Variants in SEMA4F observed in about 807,000 individuals in gnomAD.
SEMA4F encodes ssemaphorin 4F.
A neutral mutation model predicts 78.4 loss-of-function variants in SEMA4F; 51 were observed. The observed-to-expected ratio is 0.65, with a 90% CI of 0.52 to 0.82. The LOEUF (loss-of-function observed/expected upper bound fraction) is 0.82, where lower values mean the gene tolerates loss of function less well. SEMA4F is among the 40% of genes least tolerant of loss of function. The pLI is 0.00. For synonymous variants in SEMA4F, 418 were observed against 408.7 expected, an observed-to-expected ratio of 1.02 and a Z score of -0.27; for missense variants, 938 against 1,014.4, an observed-to-expected ratio of 0.92 and a Z score of 1.02.
intron 5 of SEMA4F, among the ~76,000 whole-genome samples, chr2:74,664,423 C>T (rs899651261): frequency 1.3e-5 from 2 of 151,108 alleles, no homozygotes; most frequent in South Asian, 2.1e-4. Flanking sequence ...ATCCATATGA[C>T]TGTAATGAAC....
At position 74,659,768 on chromosome 2, in the gene SEMA4F, C is replaced by G. The variant is rs559496975; in HGVS notation, c.456+1817C>G. Among the ~76,000 whole-genome samples the G allele has an allele frequency of 2.0e-5, 3 of 152,336 alleles. No homozygotes were observed. In the East Asian group the frequency reaches 5.8e-4, roughly 29 times the overall value. On this transcript the variant is annotated intron_variant, in intron 4 of 13. Transcript: ENST00000357877. ...TGACCAAGTTCTTCCTTTATCCTCA[C>G]TGCTGAACCTCTCATGTCCTAGACT...
In SEMA4F at chr2:74,675,011, T is replaced by C. The variant is rs1558732528; in HGVS notation, c.1125T>C (p.Asp375=). Residue 375 remains aspartate, a synonymous_variant, in exon 9 of 14, where the codon GAT becomes GAC. Coordinates refer to ENST00000357877, the MANE Select transcript of SEMA4F (RefSeq NM_004263.5). ...GAGGACTGCCTGTCGTGGACAATGA[T>C]GTGCCCCAGCCCAGACCTGGAGAGG... is the stretch of plus-strand genomic sequence containing the variant. ...CNRGLPVVDN[D]VPQPRPGECI... 6.2e-7 allele frequency: 1 copy of C among 1,613,932 alleles called. No individual in the cohort carries two copies. Among genetic ancestry groups the C allele is most frequent in the Non-Finnish European group, 8.5e-7 (1 of 1,179,974 alleles).
intron 5 of SEMA4F, among the ~76,000 whole-genome samples, chr2:74,666,132 T>C (rs1684687669): frequency 6.6e-6 from 1 of 152,136 alleles, no homozygotes; most frequent in Non-Finnish European, 1.5e-5. Context: ...GGTCTCAAAC[T>C]CCTGACCTCA....
At chr2:74,657,995 G>T (rs770195712) in intron 4 of SEMA4F, 44 bp downstream of exon 4, 3 of 1,552,636 alleles carry the variant, frequency 1.9e-6, no homozygotes, top group Non-Finnish European at 2.7e-6. Context: ...GCCTGCACCA[G>T]TGTGAGTTAC....
intron 5 of SEMA4F, among the ~76,000 whole-genome samples, chr2:74,669,749 A>G (rs533864561): frequency 2.5e-4 from 38 of 152,210 alleles, no homozygotes; most frequent in Non-Finnish European, 5.4e-4. Context: ...CACTGCCATG[A>G]CACATGTTTA....
chr2:74,657,962 G>A lies in SEMA4F; in HGVS notation c.456+11G>A. 2 of 1,612,230 alleles carry A rather than the reference G, an allele frequency of 1.2e-6. No individual in the cohort carries two copies. Among genetic ancestry groups the A allele is most frequent in the Non-Finnish European group, 1.7e-6 (2 of 1,178,288 alleles). On this transcript the variant is annotated intron_variant, in intron 4 of 13. Coordinates refer to ENST00000357877, the MANE Select transcript of SEMA4F (RefSeq NM_004263.5). ...AAGTGCGGGGTTATTGTGAGTGACG[G>A]TGTGGGAGGAGAGGGAGAGGGTGCC...
intron 5 of SEMA4F, among the ~76,000 whole-genome samples, chr2:74,671,377 G>A (rs1192662673): frequency 6.6e-6 from 1 of 152,180 alleles, no homozygotes; most frequent in Non-Finnish European, 1.5e-5. Flanking sequence ...ACCCCAGGAT[G>A]ATCATGCTTC....
At chr2:74,655,753 A>G (rs1290274056) in intron 1 of SEMA4F, among the ~76,000 whole-genome samples, 1 of 152,202 alleles carries the variant, frequency 6.6e-6, no homozygotes, top group Non-Finnish European at 1.5e-5. Flanking sequence ...TATACTAAGC[A>G]TGAGAGAGTG....
At chr2:74,673,898 T>C in intron 7 of SEMA4F, 70 bp downstream of exon 7, 2 of 1,517,578 alleles carry the variant, frequency 1.3e-6, no homozygotes, top group Non-Finnish European at 1.8e-6. Flanking sequence ...TCTTTTCCTC[T>C]TTGGGTCTCT....
intron 12 of SEMA4F, among the ~76,000 whole-genome samples, 190 bp from the exon 13 acceptor site, chr2:74,679,086 A>G (rs1310391784): frequency 6.6e-6 from 1 of 152,240 alleles, no homozygotes; most frequent in Non-Finnish European, 1.5e-5. Flanking sequence ...GATATGGCAA[A>G]TGAAATGTCA....
the SEMA4F span, among the ~76,000 whole-genome samples, chr2:74,696,322 A>G: frequency 1.3e-5 from 2 of 151,446 alleles, no homozygotes; most frequent in Non-Finnish European, 2.9e-5. Context: ...CAGTCTCCCA[A>G]GTAGCTGGGA....
At chr2:74,689,087 C>A in the SEMA4F span, among the ~76,000 whole-genome samples, 678 of 152,088 alleles carry the variant, frequency 4.5e-3, 6 homozygotes, top group African/African-American at 0.016. Flanking sequence ...TCTGAGGAAC[C>A]CAAAGATACC....
intron 12 of SEMA4F, 28 bp from the exon 13 acceptor site, chr2:74,679,248 G>T: frequency 6.4e-7 from 1 of 1,571,024 alleles, no homozygotes; most frequent in East Asian, 2.2e-5. Context: ...GTTCACACTG[G>T]ATTTACCAAG....
chr2:74,680,093 A>G lies in SEMA4F; in HGVS notation c.2197A>G (p.Arg733Gly). The G allele has an allele frequency of 6.2e-7, 1 of 1,613,910 alleles. No homozygotes were observed. The highest frequency in any genetic ancestry group is 8.5e-7 in the Non-Finnish European group (1 of 1,179,832). The change falls in exon 14 of 14, where the codon AGG (arginine) becomes GGG (glycine). Residue 733 changes from arginine (R) to glycine (G), a missense_variant. Physicochemically the swap from Arg to Gly is moderately radical, Grantham distance 125. Coordinates refer to ENST00000357877, the MANE Select transcript of SEMA4F (RefSeq NM_004263.5). ...GCGGTTGCCGCTGGCCCTGGCCAAGAGGGGCAGTGGCTTTGGTGGATTCTC... is the reference window on the plus strand; with the variant it reads ...GCGGTTGCCGCTGGCCCTGGCCAAGGGGGGCAGTGGCTTTGGTGGATTCTC... Reference protein sequence around the residue: ...DERLPLALAKRGSGFGGFSPP... With the variant: ...DERLPLALAKGGSGFGGFSPP...
the SEMA4F span, among the ~76,000 whole-genome samples, chr2:74,702,471 T>C: frequency 9.9e-5 from 15 of 152,206 alleles, no homozygotes; most frequent in Middle Eastern, 3.2e-3. Flanking sequence ...TCTATGGTAG[T>C]TCTTTTGTTA....
At chr2:74,663,213 T>G (rs980539830) in intron 5 of SEMA4F, among the ~76,000 whole-genome samples, 2 of 152,244 alleles carry the variant, frequency 1.3e-5, no homozygotes, top group Non-Finnish European at 2.9e-5. Flanking sequence ...AAGAACTTTA[T>G]GTAATGATGG....
At position 74,680,241 on chromosome 2, in the gene SEMA4F, A is replaced by G. The variant is rs774150325; in HGVS notation, c.*32A>G. On this transcript the variant is annotated 3_prime_UTR_variant, in exon 14 of 14. Transcript: ENST00000357877. ...GCAAATGACCACTAGTGTATAAGTG[A>G]TCACTGGAACGGAGTGACCACTGAG... 3 of 1,525,890 alleles carry G rather than the reference A, an allele frequency of 2.0e-6. No individual in the cohort carries two copies. Among genetic ancestry groups the G allele is most frequent in the Non-Finnish European group, 2.6e-6 (3 of 1,133,360 alleles). 94.5% of individuals were successfully genotyped at this position (1,525,890 alleles called of 1,614,324 possible).
At chr2:74,707,809 A>G in the SEMA4F span, among the ~76,000 whole-genome samples, 1 of 152,150 alleles carries the variant, frequency 6.6e-6, no homozygotes, top group Non-Finnish European at 1.5e-5. Context: ...AGATAAGAGT[A>G]TGGGGAGACC....
chr2:74,660,964 A>G (rs758333840), intron 4 of SEMA4F, among the ~76,000 whole-genome samples: 1 of 152,198 alleles, frequency 6.6e-6, no homozygotes, highest in Non-Finnish European at 1.5e-5. Flanking sequence ...AAAGCTACTA[A>G]AGGTGGATTC....
Sources: gnomAD v4.1 joint callset for allele counts (sites outside exome capture counted in the v4.1 genomes callset) on GRCh38, gnomAD v4.1.1 for gene constraint, MANE v1.5 for transcripts, NCBI Gene and HGNC (gene_info 2026-07-23, HGNC 2026-07-21) for gene names.